SLC25A28: variants seen among roughly 807,000 people sequenced by gnomAD.
The protein encoded by SLC25A28 is solute carrier family 25 member 28.
SLC25A28 carries 10 observed loss-of-function variants against 31.9 expected under a neutral mutation model. The observed-to-expected ratio is 0.31, with a 90% CI of 0.19 to 0.53. The LOEUF is 0.53. Ranked by LOEUF, SLC25A28 falls within the 20% of genes least tolerant of loss-of-function variation. SLC25A28 has a pLI of 0.95. For missense variants in SLC25A28, 256 were observed against 490.3 expected (o/e 0.52, Z 4.51); for synonymous variants, 208 against 203.6 (o/e 1.02, Z -0.19).
At chr10:99,625,921 A>G in the SLC25A28 span, among the ~76,000 whole-genome samples, 1 of 152,232 alleles carries the variant, frequency 6.6e-6, no homozygotes, top group Non-Finnish European at 1.5e-5. Context: ...GAGGCATCCT[A>G]TCACCTCAGA....
chr10:99,627,502 G>A, the SLC25A28 span, among the ~76,000 whole-genome samples: 18 of 150,648 alleles, frequency 1.2e-4, no homozygotes, highest in African/African-American at 3.2e-4. Flanking sequence ...GTGCAGTAGC[G>A]TGATCATGGC....
chr10:99,652,586 G>A, the SLC25A28 span, among the ~76,000 whole-genome samples: 1 of 152,110 alleles, frequency 6.6e-6, no homozygotes, highest in Non-Finnish European at 1.5e-5. Flanking sequence ...AGTGGAGTCA[G>A]AATCCTCAAA....
the SLC25A28 span, among the ~76,000 whole-genome samples, chr10:99,630,945 A>G: frequency 6.6e-6 from 1 of 152,194 alleles, no homozygotes; most frequent in African/African-American, 2.4e-5. Flanking sequence ...AGATAAGAAG[A>G]GTTAATTAGG....
chr10:99,620,977 A>G (rs928991997), upstream of SLC25A28: 2 of 985,254 alleles, frequency 2.0e-6, no homozygotes, highest in Non-Finnish European at 1.2e-6. Context: ...AAATTCTGAG[A>G]CGCGTGGCTG....
chr10:99,644,811 T>C, the SLC25A28 span, among the ~76,000 whole-genome samples: 1 of 152,222 alleles, frequency 6.6e-6, no homozygotes, highest in Non-Finnish European at 1.5e-5. Context: ...CCTTCATGTA[T>C]GTAGCTTAGT....
At chr10:99,630,555 T>C in the SLC25A28 span, among the ~76,000 whole-genome samples, 1 of 152,098 alleles carries the variant, frequency 6.6e-6, no homozygotes, top group Non-Finnish European at 1.5e-5. Context: ...TTTTGAAAAA[T>C]ATTGCTATGA....
chr10:99,628,799 C>A, the SLC25A28 span, among the ~76,000 whole-genome samples: 1 of 152,058 alleles, frequency 6.6e-6, no homozygotes, highest in Non-Finnish European at 1.5e-5. Flanking sequence ...CTAGCCTGGG[C>A]AAAAAGAGCA....
At chr10:99,641,285 G>A in the SLC25A28 span, among the ~76,000 whole-genome samples, 1 of 152,206 alleles carries the variant, frequency 6.6e-6, no homozygotes, top group South Asian at 2.1e-4. Flanking sequence ...ATATCTCATT[G>A]TGGTTTTGAT....
chr10:99,648,304 T>C, the SLC25A28 span, among the ~76,000 whole-genome samples: 3 of 152,160 alleles, frequency 2.0e-5, no homozygotes, highest in Non-Finnish European at 4.4e-5. Context: ...GCCTATTCCA[T>C]TGATGTATGT....
chr10:99,639,800 C>G, the SLC25A28 span, among the ~76,000 whole-genome samples: 2 of 151,416 alleles, frequency 1.3e-5, no homozygotes, highest in South Asian at 4.2e-4. Context: ...GAGATAATCC[C>G]ATATTTTAGG....
At chr10:99,629,441 G>T in the SLC25A28 span, among the ~76,000 whole-genome samples, 1 of 152,250 alleles carries the variant, frequency 6.6e-6, no homozygotes, top group East Asian at 1.9e-4. Flanking sequence ...ATTTCCAAAA[G>T]AATGGAACAC....
upstream of SLC25A28, chr10:99,620,805 G>T: frequency 2.0e-6 from 2 of 985,500 alleles, no homozygotes; most frequent in Non-Finnish European, 2.4e-6. Flanking sequence ...CAGAAAGAGC[G>T]ACGCGCCCAG....
the SLC25A28 span, among the ~76,000 whole-genome samples, chr10:99,659,231 C>T: frequency 6.6e-6 from 1 of 152,234 alleles, no homozygotes; most frequent in Non-Finnish European, 1.5e-5. The surrounding 1 kb of genome is among the most constrained non-coding windows in gnomAD (Gnocchi z 4.1). Context: ...CACAGGGCCG[C>T]CCAGCGCCAC....
Position 99,620,216 on chromosome 10 carries a change from C to G in SLC25A28, c.120G>C (p.Gly40=). ...AGGCCCCGGCCTCCCCGCCGCCGGCCCCCCGGCCCACGCCCCGCTGCAGCC... is the reference window on the plus strand; with the variant it reads ...AGGCCCCGGCCTCCCCGCCGCCGGCGCCCCGGCCCACGCCCCGCTGCAGCC... ...DGWLQRGVGR[G]AGGGEAGACR... Residue 40 remains glycine (G), a synonymous_variant, in exon 1 of 4, where the codon GGG becomes GGC. Transcript: ENST00000370495. 1 of 1,402,864 alleles carries G rather than the reference C, an allele frequency of 7.1e-7. No individual in the cohort carries two copies. Among genetic ancestry groups the G allele is most frequent in the Non-Finnish European group, 9.3e-7 (1 of 1,079,274 alleles). The allele number at this position is 1,402,864 out of a possible 1,614,324, so 86.9% of individuals were successfully genotyped here.
the SLC25A28 span, among the ~76,000 whole-genome samples, chr10:99,646,583 G>A: frequency 2.6e-5 from 4 of 152,222 alleles, no homozygotes; most frequent in Non-Finnish European, 5.9e-5. Flanking sequence ...GCTCCAGTGA[G>A]ATGAACCCAG....
the SLC25A28 span, among the ~76,000 whole-genome samples, chr10:99,637,070 C>T: frequency 6.6e-6 from 1 of 152,136 alleles, no homozygotes; most frequent in African/African-American, 2.4e-5. Context: ...AATCCAACAA[C>T]ATATCAAAAA....
the SLC25A28 span, among the ~76,000 whole-genome samples, chr10:99,648,807 G>A: frequency 6.7e-6 from 1 of 149,178 alleles, no homozygotes; most frequent in Admixed American, 6.8e-5. Context: ...TTTGTATCCT[G>A]AAACTACTGC....
intron 1 of SLC25A28, chr10:99,616,116 A>G (rs2133349921): frequency 1.0e-6 from 1 of 985,442 alleles, no homozygotes; most frequent in Non-Finnish European, 1.2e-6. Context: ...AGAAAGATGA[A>G]ATATCTAAGT....
intron 1 of SLC25A28, chr10:99,618,768 G>A: frequency 1.0e-6 from 1 of 985,374 alleles, no homozygotes; most frequent in Non-Finnish European, 1.2e-6. Flanking sequence ...AGCTTAATGA[G>A]CGCTCCCCCC....
Sources: allele counts gnomAD v4.1 joint callset (sites outside exome capture counted in the v4.1 genomes callset), GRCh38; gene constraint gnomAD v4.1.1; non-coding constraint Gnocchi (gnomAD v3.1); transcripts MANE v1.5; gene names NCBI Gene and HGNC (gene_info 2026-07-23, HGNC 2026-07-21).